Variants in SMURF1 observed in about 807,000 individuals in gnomAD.
SMURF1 encodes the protein E3 ubiquitin-protein ligase SMURF1.
Under a neutral mutation model 98.0 loss-of-function variants are expected in SMURF1, and 44 were observed. That is an observed-to-expected ratio of 0.45 (90% confidence interval 0.35 to 0.58). The LOEUF (loss-of-function observed/expected upper bound fraction) is 0.58, where lower values mean the gene tolerates loss of function less well. Ranked by LOEUF, SMURF1 falls within the 20% of genes least tolerant of loss-of-function variation. The pLI is 0.00. For synonymous variants in SMURF1, 396 were observed against 374.9 expected, an observed-to-expected ratio of 1.06 and a Z score of -0.65; for missense variants, 687 against 938.4, an observed-to-expected ratio of 0.73 and a Z score of 3.50.
intron 1 of SMURF1, among the ~76,000 whole-genome samples, chr7:99,080,405 T>C (rs1429875654): frequency 6.6e-6 from 1 of 152,198 alleles, no homozygotes; most frequent in Non-Finnish European, 1.5e-5. Context: ...GTTCAAGTGA[T>C]TCCCCTGCCT....
At chr7:99,042,386 T>C (rs962702712) in intron 11 of SMURF1, among the ~76,000 whole-genome samples, 154 bp from the exon 12 acceptor site, 5 of 152,136 alleles carry the variant, frequency 3.3e-5, no homozygotes, top group Non-Finnish European at 7.4e-5. Flanking sequence ...TCCAAGTGAT[T>C]TTCCTGCCTC....
intron 8 of SMURF1, 29 bp from the exon 9 acceptor site, chr7:99,049,738 T>C: frequency 6.2e-7 from 1 of 1,605,386 alleles, no homozygotes; most frequent in Non-Finnish European, 8.5e-7. Context: ...CAGAGAGGTT[T>C]GTCCAACTGA....
intron 1 of SMURF1, among the ~76,000 whole-genome samples, chr7:99,090,011 G>C (rs1265555693): frequency 1.3e-5 from 2 of 152,104 alleles, no homozygotes; most frequent in Non-Finnish European, 2.9e-5. Flanking sequence ...AAAAGAAAAG[G>C]ACTTCCTGGA....
chr7:99,045,228 A>C (rs1467779253), intron 11 of SMURF1, among the ~76,000 whole-genome samples: 1 of 152,226 alleles, frequency 6.6e-6, no homozygotes, highest in Non-Finnish European at 1.5e-5. Context: ...CTGTTTTTTA[A>C]TATCATTTTC....
At chr7:99,075,900 TTCTG>T (rs1478470675) in intron 1 of SMURF1, among the ~76,000 whole-genome samples, 1 of 152,246 alleles carries the variant, frequency 6.6e-6, no homozygotes, top group Non-Finnish European at 1.5e-5. Context: ...GGACTTTCTA[TTCTG>T]TCTATTGATG....
intron 1 of SMURF1, among the ~76,000 whole-genome samples, chr7:99,063,244 TA>T (rs1796086300): frequency 0.026 from 369 of 14,440 alleles, 35 homozygotes; most frequent in Middle Eastern, 0.038. Flanking sequence ...GATTTATTTA[TA>T]TATATATATA....
At chr7:99,120,273 A>G (rs1797578664) in intron 1 of SMURF1, among the ~76,000 whole-genome samples, 1 of 152,184 alleles carries the variant, frequency 6.6e-6, no homozygotes, top group Non-Finnish European at 1.5e-5. Flanking sequence ...TTTTCTTTGT[A>G]AATTACTCAG....
chr7:99,099,155 A>G (rs1307693339), intron 1 of SMURF1, among the ~76,000 whole-genome samples: 1 of 152,060 alleles, frequency 6.6e-6, no homozygotes, highest in African/African-American at 2.4e-5. Flanking sequence ...CTTCTATGCA[A>G]TGTTAAGGAA....
intron 1 of SMURF1, among the ~76,000 whole-genome samples, chr7:99,073,377 CAAA>C (rs766203496): frequency 1.1e-5 from 1 of 88,780 alleles, no homozygotes. Flanking sequence ...GACTCCATCT[CAAA>C]AAAAAAAAAA....
chr7:99,057,058 TC>T (rs1795894353), intron 5 of SMURF1, 146 bp downstream of exon 5: 2 of 695,346 alleles, frequency 2.9e-6, no homozygotes, highest in Non-Finnish European at 2.5e-6. Context: ...AGACAAAACT[TC>T]CTAGTACTGA....
At chr7:99,135,558 G>A (rs552379547) in intron 1 of SMURF1, among the ~76,000 whole-genome samples, 2 of 152,160 alleles carry the variant, frequency 1.3e-5, no homozygotes, top group Non-Finnish European at 2.9e-5. Flanking sequence ...CTTGGAGAAT[G>A]TTCCATATCA....
intron 1 of SMURF1, among the ~76,000 whole-genome samples, chr7:99,064,785 A>G (rs1406328122): frequency 6.6e-6 from 1 of 152,156 alleles, no homozygotes; most frequent in African/African-American, 2.4e-5. Context: ...ATAGATCACT[A>G]TTAATTACAC....
intron 1 of SMURF1, among the ~76,000 whole-genome samples, chr7:99,103,105 A>G (rs1265151180): frequency 6.6e-6 from 1 of 152,162 alleles, no homozygotes; most frequent in Non-Finnish European, 1.5e-5. Flanking sequence ...ACCCGGTTAC[A>G]ATCAATTTTT....
chr7:99,119,222 T>C (rs1304206649), intron 1 of SMURF1, among the ~76,000 whole-genome samples: 1 of 152,038 alleles, frequency 6.6e-6, no homozygotes, highest in Non-Finnish European at 1.5e-5. Flanking sequence ...TTTGCTAAAA[T>C]ATACAAGGAA....
intron 11 of SMURF1, among the ~76,000 whole-genome samples, chr7:99,044,379 A>G (rs553036260): frequency 6.6e-6 from 1 of 152,342 alleles, no homozygotes; most frequent in Admixed American, 6.5e-5. Context: ...AAATTCTAGA[A>G]TACTATTTAA....
At chr7:99,062,210 G>GC (rs984378661) in intron 1 of SMURF1, among the ~76,000 whole-genome samples, 23 of 151,240 alleles carry the variant, frequency 1.5e-4, no homozygotes, top group African/African-American at 5.6e-4. Context: ...CAATCCTCTT[G>GC]CCTCAGCCCT....
chr7:99,141,012 C>A (rs909147574), intron 1 of SMURF1, among the ~76,000 whole-genome samples: 2 of 152,138 alleles, frequency 1.3e-5, no homozygotes, highest in African/African-American at 4.8e-5. Flanking sequence ...TGCATGTGTA[C>A]CATTACCGCT....
intron 17 of SMURF1, 114 bp downstream of exon 17, chr7:99,032,922 AC>A: frequency 8.3e-7 from 1 of 1,200,042 alleles, no homozygotes. Flanking sequence ...TCTGATGATG[AC>A]AAAAATATTT....
intron 3 of SMURF1, among the ~76,000 whole-genome samples, chr7:99,060,188 G>C (rs555065759): frequency 1.3e-5 from 2 of 152,024 alleles, no homozygotes; most frequent in African/African-American, 4.8e-5. Context: ...GACCAGCCTG[G>C]CCAACATGGT....
Sources: allele counts gnomAD v4.1 joint callset (sites outside exome capture counted in the v4.1 genomes callset), GRCh38; gene constraint gnomAD v4.1.1; transcripts MANE v1.5; gene names NCBI Gene and HGNC (gene_info 2026-07-23, HGNC 2026-07-21).